The following LEKR1 variants were observed in gnomAD, a reference collection of about 807,000 sequenced individuals.
LEKR1 encodes the protein leucine, glutamate and lysine rich 1, also known as protein LEKR1.
In LEKR1, 59 loss-of-function variants were observed where a neutral mutation model predicts 72.4. The ratio of observed to expected loss-of-function variants is 0.82; its 90% CI spans 0.66 to 1.01. The LOEUF is 1.01. Among genes scored for constraint, LEKR1 ranks in the 50% least tolerant of loss-of-function variants. The probability of loss-of-function intolerance (pLI) is 0.00; values close to 1 mark genes in which losing one functional copy is unlikely to be tolerated. For synonymous variants in LEKR1, 257 were observed against 263.2 expected, an observed-to-expected ratio of 0.98 and a Z score of 0.23; for missense variants, 728 against 759.2, an observed-to-expected ratio of 0.96 and a Z score of 0.48.
intron 3 of LEKR1, among the ~76,000 whole-genome samples, chr3:156,912,759 G>A (rs759166741): frequency 6.6e-6 from 1 of 152,132 alleles, no homozygotes; most frequent in South Asian, 2.1e-4. Context: ...GCTTCCCTTG[G>A]TCCATACTAG....
At chr3:156,895,983 A>T (rs930156609) in intron 3 of LEKR1, among the ~76,000 whole-genome samples, 2 of 152,244 alleles carry the variant, frequency 1.3e-5, no homozygotes, top group South Asian at 4.1e-4. Flanking sequence ...GATAGATTGG[A>T]TAAAGAAAAT....
intron 7 of LEKR1, among the ~76,000 whole-genome samples, chr3:156,986,749 T>G (rs1413487714): frequency 1.3e-5 from 2 of 152,202 alleles, no homozygotes; most frequent in Admixed American, 6.5e-5. Flanking sequence ...AAAATGGGAA[T>G]AAGGGCTTCT....
At chr3:156,983,553 A>G (rs1430630910) in intron 7 of LEKR1, among the ~76,000 whole-genome samples, 1 of 152,140 alleles carries the variant, frequency 6.6e-6, no homozygotes, top group East Asian at 1.9e-4. Flanking sequence ...ATACTGATTC[A>G]GGTGGTCCAG....
chr3:156,892,729 A>G (rs1471752635), intron 3 of LEKR1, among the ~76,000 whole-genome samples: 1 of 152,226 alleles, frequency 6.6e-6, no homozygotes, highest in Admixed American at 6.5e-5. Context: ...AATTTTGTGC[A>G]TACCTGTTGT....
intron 7 of LEKR1, among the ~76,000 whole-genome samples, chr3:156,989,815 C>G (rs181433861): frequency 6.6e-6 from 1 of 152,066 alleles, no homozygotes. Flanking sequence ...CTCTCCCTCT[C>G]TCTCTGCACA....
intron 12 of LEKR1, among the ~76,000 whole-genome samples, chr3:157,036,733 C>T (rs1361011667): frequency 6.6e-6 from 1 of 152,056 alleles, no homozygotes; most frequent in African/African-American, 2.4e-5. Context: ...AAAGAATAAC[C>T]AGACCAAAAG....
Position 156,899,155 on chromosome 3 carries a change from A to C in LEKR1, c.264-21420A>C, listed in dbSNP as rs186207797. Among the ~76,000 whole-genome samples, 16 of 151,752 alleles carry C rather than the reference A, an allele frequency of 1.1e-4. No individual in the cohort carries two copies. In the East Asian group the frequency reaches 2.7e-3, roughly 26 times the overall value. ...GCAGTCATGGTTTCTTCTTGCTTTC[A>C]GGTTTTCATATGTTGGTAATTATCA... On this transcript the variant is annotated intron_variant, in intron 3 of 12. Transcript: ENST00000356539.
intron 9 of LEKR1, among the ~76,000 whole-genome samples, chr3:156,995,499 G>A (rs1731491538): frequency 6.6e-6 from 1 of 151,576 alleles, no homozygotes; most frequent in East Asian, 1.9e-4. Flanking sequence ...CTTAGTAATT[G>A]GTGACACTAA....
At chr3:157,041,254 G>T (rs2108047614) in intron 12 of LEKR1, among the ~76,000 whole-genome samples, 1 of 152,130 alleles carries the variant, frequency 6.6e-6, no homozygotes, top group East Asian at 1.9e-4. Context: ...TAGACCACCT[G>T]ACCCAAGGGG....
rs891638730 is a variant in LEKR1, at chr3:157,023,642, A to T, written c.1204-1118A>T. Among the ~76,000 whole-genome samples the T allele has an allele frequency of 3.9e-5, 6 of 152,180 alleles. No individual in the cohort carries two copies. The East Asian group carries it at 1.2e-3, about 29-fold the overall frequency. ...ATAACAGCCCCTAAGGGAACTCGTT[A>T]TAACCCTACCAGGAAGGGTTACAGT... On this transcript the variant is annotated intron_variant, in intron 10 of 12. Coordinates refer to ENST00000356539, the MANE Select transcript of LEKR1 (RefSeq NM_001004316.3).
At chr3:156,953,346 C>A (rs1452731776) in intron 6 of LEKR1, among the ~76,000 whole-genome samples, 1 of 150,846 alleles carries the variant, frequency 6.6e-6, no homozygotes, top group African/African-American at 2.4e-5. Flanking sequence ...TTATTTTTTC[C>A]CTCAATTTTT....
chr3:156,928,399 G>A (rs1724921661), intron 5 of LEKR1, among the ~76,000 whole-genome samples: 1 of 151,968 alleles, frequency 6.6e-6, no homozygotes, highest in Non-Finnish European at 1.5e-5. Context: ...AGGGGGATAT[G>A]GGAATTCTCT....
intron 2 of LEKR1, among the ~76,000 whole-genome samples, chr3:156,836,221 T>G (rs1713124871): frequency 6.6e-6 from 1 of 152,012 alleles, no homozygotes; most frequent in South Asian, 2.1e-4. Context: ...GGTCGGATAA[T>G]GTAATGCAAA....
intron 2 of LEKR1, among the ~76,000 whole-genome samples, chr3:156,837,192 A>G (rs1713260804): frequency 6.6e-6 from 1 of 152,198 alleles, no homozygotes; most frequent in African/African-American, 2.4e-5. Context: ...TAGAGAGGGG[A>G]TAGAGGAGAT....
rs544425815 is a variant in LEKR1 at position 156,909,196 on chromosome 3, CCT to C, written c.264-11376_264-11375del. 1.9e-4 allele frequency among the ~76,000 whole-genome samples: 29 copies of C among 152,262 alleles called. No homozygotes were observed. In the South Asian group the frequency reaches 5.6e-3, roughly 29 times the overall value. ...CATGTGGATCTGTGAGTCAATTAAA[CCT>C]CTTTCTTTTGTAAATTACCCAGTCT... On this transcript the variant is annotated intron_variant, in intron 3 of 12. Coordinates refer to ENST00000356539, the MANE Select transcript of LEKR1 (RefSeq NM_001004316.3).
chr3:156,875,992 C>CAAAAAAAA (rs55816001), intron 3 of LEKR1, among the ~76,000 whole-genome samples: 7 of 70,174 alleles, frequency 1.0e-4, no homozygotes, highest in Admixed American at 1.9e-4. Flanking sequence ...GACTCCATCT[C>CAAAAAAAA]AAAAAAAAAA....
chr3:157,045,783 G>A lies in LEKR1; in HGVS notation c.*33G>A, dbSNP rs543936258. On this transcript the variant is annotated 3_prime_UTR_variant, in exon 13 of 13. Transcript: ENST00000356539. ...TGAGGAGCAGGAAGCTCCCTACAGC[G>A]TGCACGCTCTTTCAGAGAGTGCCAG... 5.1e-5 allele frequency: 80 copies of A among 1,574,624 alleles called. No homozygotes were observed. Among genetic ancestry groups the A allele is most frequent in the Non-Finnish European group, 6.8e-5 (79 of 1,160,708 alleles).
chr3:157,017,111 AT>A (rs1733404230), intron 10 of LEKR1, among the ~76,000 whole-genome samples: 1 of 152,288 alleles, frequency 6.6e-6, no homozygotes, highest in East Asian at 1.9e-4. Context: ...GTTAGTTAAT[AT>A]TTTTGGTTTT....
At chr3:157,014,859 A>G (rs2108025591) in intron 10 of LEKR1, among the ~76,000 whole-genome samples, 1 of 152,306 alleles carries the variant, frequency 6.6e-6, no homozygotes, top group Middle Eastern at 3.4e-3. Context: ...GAAGTTAGGT[A>G]ATTTGCCAAA....
Sources: gnomAD v4.1 joint callset for allele counts (sites outside exome capture counted in the v4.1 genomes callset) on GRCh38, gnomAD v4.1.1 for gene constraint, MANE v1.5 for transcripts, NCBI Gene and HGNC (gene_info 2026-07-23, HGNC 2026-07-21) for gene names.